ACSF3: variants seen among roughly 807,000 people sequenced by gnomAD.
ACSF3 encodes acyl-CoA synthetase family member 3.
Under a neutral mutation model 53.2 loss-of-function variants are expected in ACSF3, and 78 were observed. That is an observed-to-expected ratio of 1.47 (90% CI 1.22 to 1.77). The LOEUF (loss-of-function observed/expected upper bound fraction) is 1.77. ACSF3 is among the 40% of genes most tolerant of loss of function. ACSF3 has a pLI of 0.00. For synonymous variants in ACSF3, 414 were observed against 333.1 expected, an observed-to-expected ratio of 1.24 and a Z score of -2.65; for missense variants, 937 against 771.1, an observed-to-expected ratio of 1.22 and a Z score of -2.55.
chr16:89,119,807 A>T (rs960252243), intron 6 of ACSF3, among the ~76,000 whole-genome samples: 3 of 152,204 alleles, frequency 2.0e-5, no homozygotes, highest in Non-Finnish European at 2.9e-5. Flanking sequence ...GGGCACCGAC[A>T]GCCCCTCACC....
intron 6 of ACSF3, 133 bp downstream of exon 6, chr16:89,114,620 G>T (rs1219392535): frequency 1.5e-6 from 2 of 1,325,524 alleles, no homozygotes; most frequent in South Asian, 1.2e-5. Flanking sequence ...CAGGCCACTC[G>T]GCCAGGAGAG....
At position 89,101,207 on chromosome 16, in the gene ACSF3, A is replaced by T; in HGVS notation, c.526A>T (p.Thr176Ser). 6.2e-7 allele frequency: 1 copy of T among 1,606,702 alleles called. No homozygotes were observed. Among genetic ancestry groups the T allele is most frequent in the Non-Finnish European group, 8.5e-7 (1 of 1,176,830 alleles). ...PLLPLTPAIYTGAVEEPAEVP... is the reference protein window; with the variant it reads ...PLLPLTPAIYSGAVEEPAEVP... ...GCTGCCGCTCACACCAGCCATCTAC[A>T]CTGGAGCAGTAGAGGAACCGGCAGA... is the stretch of plus-strand genomic sequence containing the variant. Residue 176 changes from threonine (T) to serine (S), a missense_variant, in exon 3 of 11, where the codon ACT (threonine) becomes TCT (serine). Coordinates refer to ENST00000614302, the MANE Select transcript of ACSF3 (RefSeq NM_001243279.3).
At chr16:89,103,053 TTAACAA>T (rs1975548944) in intron 4 of ACSF3, among the ~76,000 whole-genome samples, 1 of 152,202 alleles carries the variant, frequency 6.6e-6, no homozygotes, top group Non-Finnish European at 1.5e-5. Flanking sequence ...CAGTAAGAGG[TTAACAA>T]TAACAGAACA....
intron 7 of ACSF3, among the ~76,000 whole-genome samples, chr16:89,129,882 C>G (rs1204753262): frequency 1.3e-5 from 2 of 152,172 alleles, no homozygotes; most frequent in Non-Finnish European, 1.5e-5. Context: ...GAGCCACATC[C>G]CTGCCTCCAC....
rs1976762684 is a variant in ACSF3 at position 89,112,159 on chromosome 16, A to G, written c.890A>G (p.Tyr297Cys). The G allele has an allele frequency of 1.7e-6, 2 of 1,184,676 alleles. No homozygotes were observed. The highest frequency in any genetic ancestry group is 3.9e-5 in the South Asian group (2 of 50,838). The allele number at this position is 1,184,676 out of a possible 1,614,324, so 73.4% of individuals were successfully genotyped here. ...INVFMAVPTI[Y>C]TKLMEYYDRH... ...GTCTTTATGGCAGTGCCTACAATAT[A>G]CACCAAGCTGATGGAGTACTACGAC... The change falls in exon 5 of 11, where the codon TAC (tyrosine) becomes TGC (cysteine). Residue 297 changes from tyrosine to cysteine, a missense_variant. Tyr to Cys is a radical substitution (Grantham distance 194). Coordinates refer to ENST00000614302, the MANE Select transcript of ACSF3 (RefSeq NM_001243279.3).
intron 5 of ACSF3, 47 bp from the exon 6 acceptor site, chr16:89,114,292 G>C: frequency 6.2e-7 from 1 of 1,610,944 alleles, no homozygotes; most frequent in Non-Finnish European, 8.5e-7. Context: ...TTGCACGCGA[G>C]AGCCACGTCC....
At chr16:89,125,972 A>G (rs1418552248) in intron 7 of ACSF3, among the ~76,000 whole-genome samples, 1 of 152,064 alleles carries the variant, frequency 6.6e-6, no homozygotes, top group African/African-American at 2.4e-5. Flanking sequence ...ATTTACTTAG[A>G]TCCGCAAACA....
Position 89,119,092 on chromosome 16 carries a change from T to TCAA in ACSF3, c.1127-1709_1127-1708insCAA, listed in dbSNP as rs1567710049. Among the ~76,000 whole-genome samples the TCAA allele has an allele frequency of 4.4e-4, 67 of 151,330 alleles. 1 individual carries two copies. The highest frequency in any genetic ancestry group is 1.6e-3 in the African/African-American group (66 of 41,188). The stretch of plus-strand genomic sequence containing the variant: ...CACCTGGAGTGTGGGGGCCCCTCCC[T>TCAA]GAAGCTCTCACGGGCGGCACCTGGA... On this transcript the variant is annotated intron_variant, in intron 6 of 10. Coordinates refer to ENST00000614302, the MANE Select transcript of ACSF3 (RefSeq NM_001243279.3).
At chr16:89,129,122 T>C (rs1017214676) in intron 7 of ACSF3, among the ~76,000 whole-genome samples, 1 of 152,158 alleles carries the variant, frequency 6.6e-6, no homozygotes, top group Non-Finnish European at 1.5e-5. Context: ...AGCAAGAGTG[T>C]GTGTCCTGCT....
At chr16:89,104,672 G>A (rs1339479421) in intron 4 of ACSF3, among the ~76,000 whole-genome samples, 2 of 152,218 alleles carry the variant, frequency 1.3e-5, no homozygotes, top group South Asian at 2.1e-4. Flanking sequence ...GCCCCACACG[G>A]TGGCTGGAGG....
At position 89,114,714 on chromosome 16, in the gene ACSF3, G is replaced by T. The variant is rs554528496; in HGVS notation, c.1126+227G>T. ...AGTCGGGTGGATGGGGGAGGTGTCTGTGCTGGCCCCTGGCTGTATGACTGG... is the reference window on the plus strand; with the variant it reads ...AGTCGGGTGGATGGGGGAGGTGTCTTTGCTGGCCCCTGGCTGTATGACTGG... On this transcript the variant is annotated intron_variant, in intron 6 of 10. Coordinates refer to ENST00000614302, the MANE Select transcript of ACSF3 (RefSeq NM_001243279.3). The T allele has an allele frequency of 8.1e-4, 523 of 647,728 alleles. 4 individuals are homozygous for T. In the South Asian group the frequency reaches 8.7e-3, roughly 11 times the overall value. 40.1% of individuals were successfully genotyped at this position (647,728 alleles called of 1,614,324 possible).
rs1389252296 is a variant in ACSF3 at position 89,114,366 on chromosome 16, G to A, written c.1005G>A (p.Leu335=). ...TGATGGTCTCAGGCTCAGCTGCCCTGCCCCTCCCAGTGCTGGAGAAGTGGA... is the reference window on the plus strand; with the variant it reads ...TGATGGTCTCAGGCTCAGCTGCCCTACCCCTCCCAGTGCTGGAGAAGTGGA... ...IRLMVSGSAA[L]PLPVLEKWKN... The change falls in exon 6 of 11, where the codon CTG becomes CTA. Residue 335 remains leucine, a synonymous_variant. Transcript: ENST00000614302. 2 of 1,614,064 alleles carry A rather than the reference G, an allele frequency of 1.2e-6. No homozygotes were observed. The highest frequency in any genetic ancestry group is 2.2e-5 in the South Asian group (2 of 91,088).
chr16:89,095,626 G>T (rs1974526063), intron 1 of ACSF3, among the ~76,000 whole-genome samples: 1 of 152,060 alleles, frequency 6.6e-6, no homozygotes, highest in South Asian at 2.1e-4. Context: ...CAGGTGTGGT[G>T]GTGAACAGGT....
intron 9 of ACSF3, 152 bp downstream of exon 9, chr16:89,145,553 A>G: frequency 9.7e-7 from 1 of 1,033,438 alleles, no homozygotes; most frequent in Non-Finnish European, 1.4e-6. Flanking sequence ...CTGGCCAGGG[A>G]ACATGGGGCT....
intron 8 of ACSF3, chr16:89,136,736 C>T (rs1297209249): frequency 3.1e-6 from 4 of 1,287,304 alleles, no homozygotes; most frequent in East Asian, 1.1e-4. Context: ...TGCCTCTGTG[C>T]CTACAGCCCG....
At chr16:89,147,859 C>T (rs914760840) in intron 10 of ACSF3, 1 of 152,186 alleles carries the variant, frequency 6.6e-6, no homozygotes, top group African/African-American at 2.4e-5. Context: ...TCACTCATTT[C>T]AGCATTAATT....
At chr16:89,141,019 G>T in intron 8 of ACSF3, 1 of 1,227,910 alleles carries the variant, frequency 8.1e-7, no homozygotes, top group Non-Finnish European at 1.1e-6. Flanking sequence ...TAAATAGGTT[G>T]TTATGGAAAG....
chr16:89,100,834 G>A lies in ACSF3; in HGVS notation c.153G>A (p.Leu51=). 6.2e-7 allele frequency: 1 copy of A among 1,613,482 alleles called. No homozygotes were observed. The change falls in exon 3 of 11, where the codon CTG becomes CTA. Residue 51 remains leucine, a synonymous_variant. Transcript: ENST00000614302. ...DRSAPVFTRA[L]AFGDRIALVD... ...GCGCCCCGGTGTTCACCCGTGCCCT[G>A]GCCTTTGGGGACAGAATCGCCCTGG...
intron 3 of ACSF3, 82 bp from the exon 4 acceptor site, chr16:89,102,522 T>C: frequency 1.9e-6 from 3 of 1,552,918 alleles, no homozygotes; most frequent in Non-Finnish European, 2.6e-6. Flanking sequence ...CCAGAGCTCC[T>C]TTCCGTGAGC....
Sources: gnomAD v4.1 joint callset for allele counts (sites outside exome capture counted in the v4.1 genomes callset) on GRCh38, gnomAD v4.1.1 for gene constraint, MANE v1.5 for transcripts, NCBI Gene and HGNC (gene_info 2026-07-23, HGNC 2026-07-21) for gene names.